Variants in FLG observed in about 807,000 individuals in gnomAD.
The protein encoded by FLG is epidermal filaggrin.
Under a neutral mutation model 3.8 loss-of-function variants are expected in FLG, and 6 were observed. The ratio of observed to expected loss-of-function variants is 1.60; its 90% CI spans 0.87 to 3.15. The LOEUF is 3.15. FLG is among the 30% of genes most tolerant of loss of function. FLG has a pLI of 0.00. For synonymous variants in FLG, 2,551 were observed against 1,931.6 expected (o/e 1.32, Z -8.41); for missense variants, 7,595 against 5,050.9 (o/e 1.50, Z -15.27).
At position 152,308,038 on chromosome 1, in the gene FLG, C is replaced by G. The variant is rs137909957; in HGVS notation, c.6848G>C (p.Arg2283Thr). The change falls in exon 3 of 3, where the codon AGG (arginine) becomes ACG (threonine). Residue 2283 changes from arginine to threonine, a missense_variant. By Grantham distance (71) the Arg-to-Thr change is moderately conservative. Transcript: ENST00000368799. Reference sequence around the variant, plus strand: ...ACCGGCTCTGTCTTCGTGATGGGACCTGGGGTGTCTGGAGCCATCTCTTGA... The same window carrying G: ...ACCGGCTCTGTCTTCGTGATGGGACGTGGGGTGTCTGGAGCCATCTCTTGA... ...EQSRDGSRHP[R>T]SHHEDRAGHG... is the part of the protein sequence containing the mutation. 1.0e-3 allele frequency: 1,676 copies of G among 1,614,166 alleles called. 21 individuals are homozygous for G. The highest frequency in any genetic ancestry group is 4.9e-4 in the Middle Eastern group (3 of 6,062).
chr1:152,318,474 G>T (rs1034335453), intron 1 of FLG, among the ~76,000 whole-genome samples: 7 of 151,424 alleles, frequency 4.6e-5, no homozygotes, highest in Non-Finnish European at 8.9e-5. Context: ...CTTACCCATT[G>T]AATGCTGTTG....
In FLG at chr1:152,311,680, C is replaced by A. The variant is rs577769973; in HGVS notation, c.3206G>T (p.Ser1069Ile). The change falls in exon 3 of 3, where the codon AGT becomes ATT. Residue 1069 changes from serine (S) to isoleucine (I), a missense_variant. Ser to Ile is a moderately radical substitution (Grantham distance 142, BLOSUM62 -2). Transcript: ENST00000368799. ...RDSGHWGSSGSQASDSEGHSE... is the reference protein window; with the variant it reads ...RDSGHWGSSGIQASDSEGHSE... Reference sequence around the variant, plus strand: ...ATGTCCCTCACTATCACTGGCCTGACTACCACTGGACCCCCAGTGTCCACT... The same window carrying A: ...ATGTCCCTCACTATCACTGGCCTGAATACCACTGGACCCCCAGTGTCCACT... 20 of 1,614,152 alleles carry A rather than the reference C, an allele frequency of 1.2e-5. No homozygotes were observed. In the South Asian group the frequency reaches 2.0e-4, roughly 16 times the overall value.
chr1:152,309,147 G>C lies in FLG; in HGVS notation c.5739C>G (p.Asn1913Lys). 1 of 1,613,622 alleles carries C rather than the reference G, an allele frequency of 6.2e-7. No individual in the cohort carries two copies. The highest frequency in any genetic ancestry group is 8.5e-7 in the Non-Finnish European group (1 of 1,179,670). Residue 1913 changes from asparagine (N) to lysine (K), a missense_variant, in exon 3 of 3, where the codon AAC becomes AAG. Physicochemically the swap from Asn to Lys is moderately conservative, Grantham distance 94. Transcript: ENST00000368799. Reference protein sequence around the residue: ...GQSSGPRTSRNQGSSVSQDSD... With the variant: ...GQSSGPRTSRKQGSSVSQDSD... ...TGTCCTGGCTAACACTGGATCCCTGGTTCCTGCTTGTCCTGGGCCCTGATG... is the reference window on the plus strand; with the variant it reads ...TGTCCTGGCTAACACTGGATCCCTGCTTCCTGCTTGTCCTGGGCCCTGATG...
rs1652377183 is a variant in FLG at position 152,311,052 on chromosome 1, T to C, written c.3834A>G (p.Arg1278=). ...ACAACCTCTCGGAGTCGTCTGAGTG[T>C]CTCTCACTGTCACTGTCCTGGCTAA... is the stretch of plus-strand genomic sequence containing the variant. ...SSVSQDSDSE[R]HSDDSERLSG... is the part of the protein sequence containing the mutation. The change falls in exon 3 of 3, where the codon AGA becomes AGG. Residue 1278 remains arginine (R), a synonymous_variant. Coordinates refer to ENST00000368799, the MANE Select transcript of FLG (RefSeq NM_002016.2). The C allele has an allele frequency of 6.2e-7, 1 of 1,613,900 alleles. No homozygotes were observed. The highest frequency in any genetic ancestry group is 8.5e-7 in the Non-Finnish European group (1 of 1,179,960).
In FLG at chr1:152,314,621, T is replaced by C; in HGVS notation, c.265A>G (p.Thr89Ala). 1 of 1,614,102 alleles carries C rather than the reference T, an allele frequency of 6.2e-7. No homozygotes were observed. Among genetic ancestry groups the C allele is most frequent in the African/African-American group, 1.3e-5 (1 of 75,054 alleles). Residue 89 changes from threonine to alanine, a missense_variant, in exon 3 of 3, where the codon ACC (threonine) becomes GCC (alanine). Thr to Ala is a moderately conservative substitution (Grantham distance 58). Transcript: ENST00000368799. ...GATATCGGTAAATTCTCTTTTCTGG[T>C]AGACTCATAATATGCTTGAGCCAAC... is the stretch of plus-strand genomic sequence containing the variant. Reference protein sequence around the residue: ...FKLAQAYYESTRKENLPISGH... With the variant: ...FKLAQAYYESARKENLPISGH...
intron 1 of FLG, among the ~76,000 whole-genome samples, chr1:152,324,775 A>G (rs1335536573): frequency 1.3e-5 from 2 of 151,874 alleles, no homozygotes; most frequent in South Asian, 2.1e-4. Context: ...CCCCTGCTCT[A>G]CTACATCACT....
rs143075913 is a variant in FLG at position 152,308,192 on chromosome 1, C to A, written c.6694G>T (p.Gly2232Trp). Residue 2232 changes from glycine (G) to tryptophan (W), a missense_variant, in exon 3 of 3, where the codon GGG (glycine) becomes TGG (tryptophan). Physicochemically the swap from Gly to Trp is radical, Grantham distance 184. Coordinates refer to ENST00000368799, the MANE Select transcript of FLG (RefSeq NM_002016.2). ...HSLVGQGQSS[G>W]PRTSRPRGSS... ...CCCCGGGGCCTGCTTGTCCTGGGCC[C>A]TGATGATTGTCCCTGGCCCACCAGT... 2 of 1,613,862 alleles carry A rather than the reference C, an allele frequency of 1.2e-6. No homozygotes were observed. Among genetic ancestry groups the A allele is most frequent in the Non-Finnish European group, 1.7e-6 (2 of 1,179,970 alleles).
In FLG at chr1:152,312,332, T is replaced by A. The variant is rs149818961; in HGVS notation, c.2554A>T (p.Arg852Trp). Residue 852 changes from arginine (R) to tryptophan (W), a missense_variant, in exon 3 of 3, where the codon AGG becomes TGG. By Grantham distance (101) the Arg-to-Trp change is moderately radical. Transcript: ENST00000368799. ...RGHPGSSRRGRQGSHHEQSVD... is the reference protein window; with the variant it reads ...RGHPGSSRRGWQGSHHEQSVD... ...GATTGCTCGTGGTGGGACCCCTGCC[T>A]TCCTCTTCTGCTTGACCCCGGGTGT... The A allele has an allele frequency of 8.1e-6, 13 of 1,612,774 alleles. No homozygotes were observed. The highest frequency in any genetic ancestry group is 1.7e-4 in the Middle Eastern group (1 of 6,058).
Position 152,307,774 on chromosome 1 carries a change from C to G in FLG, c.7112G>C (p.Ser2371Thr), listed in dbSNP as rs757253255. 1.4e-5 allele frequency: 23 copies of G among 1,613,142 alleles called. No individual in the cohort carries two copies. Among genetic ancestry groups the G allele is most frequent in the African/African-American group, 5.4e-5 (4 of 74,526 alleles). Residue 2371 changes from serine (S) to threonine (T), a missense_variant, in exon 3 of 3, where the codon AGT becomes ACT. Coordinates refer to ENST00000368799, the MANE Select transcript of FLG (RefSeq NM_002016.2). ...RGSSGSQASDSEGHSEDSDTQ... is the reference protein window; with the variant it reads ...RGSSGSQASDTEGHSEDSDTQ... ...GTCTGAGTCTTCTGAATGTCCCTCA[C>G]TGTCACTGGCCTGACTACCACTGGA...
At chr1:152,315,086 A>G (rs1345291859) in intron 2 of FLG, 3 of 407,912 alleles carry the variant, frequency 7.4e-6, no homozygotes, top group Non-Finnish European at 1.3e-5. Flanking sequence ...AATACTAAGA[A>G]CTAATTTACA....
chr1:152,310,730 C>T lies in FLG; in HGVS notation c.4156G>A (p.Gly1386Arg). The T allele has an allele frequency of 6.2e-7, 1 of 1,613,982 alleles. No individual in the cohort carries two copies. The highest frequency in any genetic ancestry group is 1.3e-5 in the African/African-American group (1 of 74,962). ...TGACTACCACTGGACCCTCGGTGTC[C>T]ACTGTCTCTGACTGCAGATGAAGCT... The part of the protein sequence containing the change: ...RQASSAVRDS[G>R]HRGSSGSQVT... The change falls in exon 3 of 3, where the codon GGA becomes AGA. Residue 1386 changes from glycine (G) to arginine (R), a missense_variant. Physicochemically the swap from Gly to Arg is moderately radical, Grantham distance 125. Transcript: ENST00000368799.
At position 152,314,682 on chromosome 1, in the gene FLG, T is replaced by A; in HGVS notation, c.204A>T (p.Lys68Asn). Reference sequence around the variant, plus strand: ...TCAGAAGAAACTCAGTGAAGTCAATTTTCTTGTTGTGGTCTATATCCAAGT... The same window carrying A: ...TCAGAAGAAACTCAGTGAAGTCAATATTCTTGTTGTGGTCTATATCCAAGT... ...MDHLDIDHNK[K>N]IDFTEFLLMV... The change falls in exon 3 of 3, where the codon AAA (lysine) becomes AAT (asparagine). Residue 68 changes from lysine (K) to asparagine (N), a missense_variant. By Grantham distance (94) the Lys-to-Asn change is moderately conservative. Transcript: ENST00000368799. 1 of 1,614,070 alleles carries A rather than the reference T, an allele frequency of 6.2e-7. No individual in the cohort carries two copies. The highest frequency in any genetic ancestry group is 8.5e-7 in the Non-Finnish European group (1 of 1,179,976).
At position 152,309,409 on chromosome 1, in the gene FLG, C is replaced by A. The variant is rs768149687; in HGVS notation, c.5477G>T (p.Gly1826Val). Residue 1826 changes from glycine to valine, a missense_variant, in exon 3 of 3, where the codon GGA (glycine) becomes GTA (valine). Gly to Val is a moderately radical substitution (Grantham distance 109, BLOSUM62 -3). Coordinates refer to ENST00000368799, the MANE Select transcript of FLG (RefSeq NM_002016.2). ...HPGSSRGGRQ[G>V]SHYEQSVDSS... ...ATCTACCGATTGCTCATAGTGGGATCCCTGCCTTCCTCCTCTGCTTGACCC... is the reference window on the plus strand; with the variant it reads ...ATCTACCGATTGCTCATAGTGGGATACCTGCCTTCCTCCTCTGCTTGACCC... The A allele has an allele frequency of 6.2e-7, 1 of 1,613,714 alleles. No individual in the cohort carries two copies. The highest frequency in any genetic ancestry group is 8.5e-7 in the Non-Finnish European group (1 of 1,179,996).
chr1:152,322,277 C>T (rs549902093), intron 1 of FLG, among the ~76,000 whole-genome samples: 51 of 150,016 alleles, frequency 3.4e-4, no homozygotes, highest in African/African-American at 1.1e-3. Context: ...TAGAGCAATA[C>T]GTTAGGAAAA....
At chr1:152,316,680 A>G (rs1050723791) in intron 1 of FLG, among the ~76,000 whole-genome samples, 3 of 152,146 alleles carry the variant, frequency 2.0e-5, no homozygotes, top group Non-Finnish European at 4.4e-5. Flanking sequence ...CTCTGAACTT[A>G]TCGTTACTTG....
At position 152,309,302 on chromosome 1, in the gene FLG, T is replaced by TG; in HGVS notation, c.5583dup (p.Arg1862GlnfsTer9). The TG allele has an allele frequency of 1.2e-6, 2 of 1,613,960 alleles. No individual in the cohort carries two copies. Among genetic ancestry groups the TG allele is most frequent in the Non-Finnish European group, 1.7e-6 (2 of 1,179,996 alleles). ...TTACGTGTTTGTCTGCTGACACTTC[T>TG]GGATCCTGACTGCCCACGGGAGACA... On this transcript the variant is annotated frameshift_variant, in exon 3 of 3. Transcript: ENST00000368799. LOFTEE classifies it low-confidence loss of function (END_TRUNC).
intron 1 of FLG, among the ~76,000 whole-genome samples, chr1:152,315,927 A>G (rs570124089): frequency 2.0e-5 from 3 of 152,222 alleles, no homozygotes; most frequent in African/African-American, 7.2e-5. Flanking sequence ...CCATATGACA[A>G]GATACTCAAT....
In FLG at chr1:152,305,000, A is replaced by G. The variant is rs1369054819; in HGVS notation, c.9886T>C (p.Ser3296Pro). 5 of 1,613,150 alleles carry G rather than the reference A, an allele frequency of 3.1e-6. No homozygotes were observed. The highest frequency in any genetic ancestry group is 2.7e-5 in the African/African-American group (2 of 74,642). ...QAASSHEQAR[S>P]SPGERHGSRH... The stretch of plus-strand genomic sequence containing the variant: ...GATCCGTGTCTCTCTCCTGGACTTG[A>G]TCTTGCCTGTTCATGGGATGATGCA... Residue 3296 changes from serine to proline, a missense_variant, in exon 3 of 3, where the codon TCA (serine) becomes CCA (proline). By Grantham distance (74) the Ser-to-Pro change is moderately conservative. Transcript: ENST00000368799.
rs770504565 is a variant in FLG, at chr1:152,307,176, G to A, written c.7710C>T (p.Asp2570=). Residue 2570 remains aspartate (D), a synonymous_variant, in exon 3 of 3, where the codon GAC becomes GAT. Coordinates refer to ENST00000368799, the MANE Select transcript of FLG (RefSeq NM_002016.2). ...CTTCTGAGTGTCCCTGACTGTCACT[G>A]TCCTGGCTAAAACTGGATCCCCAGT... is the stretch of plus-strand genomic sequence containing the variant. ...SRNWGSSFSQ[D]SDSQGHSEDS... 1.2e-6 allele frequency: 2 copies of A among 1,612,820 alleles called. 1 individual carries two copies.
Sources: gnomAD v4.1 joint callset for allele counts (sites outside exome capture counted in the v4.1 genomes callset) on GRCh38, gnomAD v4.1.1 for gene constraint, MANE v1.5 for transcripts, NCBI Gene and HGNC (gene_info 2026-07-23, HGNC 2026-07-21) for gene names.